Variants in TLCD4 observed in about 807,000 individuals in gnomAD.
TLCD4 encodes TLC domain-containing protein 4.
A neutral mutation model predicts 24.2 loss-of-function variants in TLCD4; 7 were observed. The ratio of observed to expected loss-of-function variants is 0.29; its 90% CI spans 0.16 to 0.54. The LOEUF is 0.54. Among genes scored for constraint, TLCD4 ranks in the 20% least tolerant of loss-of-function variants. The pLI, the probability that TLCD4 is intolerant of heterozygous loss-of-function variation, is 0.95. For synonymous variants in TLCD4, 103 were observed against 106.4 expected (o/e 0.97, Z 0.20); for missense variants, 259 against 313.9 (o/e 0.82, Z 1.32).
chr1:95,117,038 T>C (rs1676444435), upstream of TLCD4, among the ~76,000 whole-genome samples: 2 of 152,242 alleles, frequency 1.3e-5, no homozygotes, highest in Admixed American at 1.3e-4. Context: ...AAATTCATAA[T>C]TTAAGAAGAT....
chr1:95,104,663 C>CA, the TLCD4 span, among the ~76,000 whole-genome samples: 8,491 of 40,560 alleles, frequency 0.21, 1,902 homozygotes, highest in Non-Finnish European at 0.28. Flanking sequence ...GACTCCGTCT[C>CA]AAAAAAAAAA....
intron 1 of TLCD4, among the ~76,000 whole-genome samples, chr1:95,132,638 C>G (rs1417482287): frequency 6.6e-6 from 1 of 151,906 alleles, no homozygotes; most frequent in Admixed American, 6.6e-5. Context: ...TATCAAGTAG[C>G]AGTAGGCTAT....
chr1:95,153,536 A>G (rs549286469), intron 5 of TLCD4, among the ~76,000 whole-genome samples: 67 of 152,274 alleles, frequency 4.4e-4, no homozygotes, highest in Middle Eastern at 6.8e-3. Context: ...GTGGTAGATG[A>G]TTGCATCTCA....
intron 1 of TLCD4, chr1:95,138,314 G>A (rs540118271): frequency 5.9e-5 from 9 of 152,220 alleles, no homozygotes; most frequent in African/African-American, 2.2e-4. Context: ...ACAGATGGAT[G>A]GACTGTTTTT....
rs1030833303 is a variant in TLCD4 at position 95,192,469 on chromosome 1, A to AT, written c.*607dup. ...TGAGAAATCTCTTAACTGCATTGGT[A>AT]TTTTTTCTCTGTGAAAGATGACTAT... On this transcript the variant is annotated 3_prime_UTR_variant, in exon 7 of 7. Transcript: ENST00000370203. 2 of 152,150 alleles carry AT rather than the reference A, an allele frequency of 1.3e-5. No individual in the cohort carries two copies. The highest frequency in any genetic ancestry group is 4.8e-5 in the African/African-American group (2 of 41,446). 9.4% of individuals were successfully genotyped at this position (152,150 alleles called of 1,614,324 possible).
At chr1:95,133,940 C>T (rs1175652241) in intron 1 of TLCD4, among the ~76,000 whole-genome samples, 2 of 151,354 alleles carry the variant, frequency 1.3e-5, no homozygotes, top group Non-Finnish European at 2.9e-5. Flanking sequence ...AAATGATGGA[C>T]TTTGGGATGT....
intron 3 of TLCD4, among the ~76,000 whole-genome samples, chr1:95,149,784 T>C (rs557572840): frequency 5.9e-5 from 9 of 152,224 alleles, no homozygotes; most frequent in Non-Finnish European, 1.2e-4. Context: ...TTTTGCCTTA[T>C]CGAACTTTAA....
At chr1:95,150,541 T>A (rs1397698176) in intron 4 of TLCD4, among the ~76,000 whole-genome samples, 1 of 152,166 alleles carries the variant, frequency 6.6e-6, no homozygotes, top group Non-Finnish European at 1.5e-5. Context: ...TTTGTCCTAA[T>A]GAGGCTCTTA....
intron 1 of TLCD4, among the ~76,000 whole-genome samples, chr1:95,133,591 G>A (rs1676961236): frequency 6.6e-6 from 1 of 152,128 alleles, no homozygotes; most frequent in South Asian, 2.1e-4. Context: ...TTCATATGTT[G>A]GCTTCTACTT....
At chr1:95,172,185 C>T (rs1225435420) in intron 5 of TLCD4, among the ~76,000 whole-genome samples, 1 of 152,132 alleles carries the variant, frequency 6.6e-6, no homozygotes, top group Non-Finnish European at 1.5e-5. Flanking sequence ...CTTTTTGGTA[C>T]TTTGTTATGA....
At chr1:95,123,100 C>T (rs767033066) in intron 1 of TLCD4, among the ~76,000 whole-genome samples, 17 of 152,058 alleles carry the variant, frequency 1.1e-4, no homozygotes, top group Non-Finnish European at 1.8e-4. Flanking sequence ...TGAGCCACTG[C>T]GCCTAACCCG....
chr1:95,106,425 G>C, the TLCD4 span, among the ~76,000 whole-genome samples: 1 of 152,136 alleles, frequency 6.6e-6, no homozygotes, highest in African/African-American at 2.4e-5. Context: ...AAAGGGCCAG[G>C]TGTGGTGGCT....
At chr1:95,124,938 G>A (rs988162264) in intron 1 of TLCD4, among the ~76,000 whole-genome samples, 1 of 152,088 alleles carries the variant, frequency 6.6e-6, no homozygotes, top group Non-Finnish European at 1.5e-5. Flanking sequence ...AAGTTAGAAA[G>A]GATTAGAGCC....
At chr1:95,106,127 T>A in the TLCD4 span, among the ~76,000 whole-genome samples, 1 of 152,144 alleles carries the variant, frequency 6.6e-6, no homozygotes, top group Non-Finnish European at 1.5e-5. Flanking sequence ...AAGAACTTGT[T>A]ATTGAGAAAG....
chr1:95,154,566 C>T (rs1677581360), intron 5 of TLCD4, among the ~76,000 whole-genome samples: 1 of 152,036 alleles, frequency 6.6e-6, no homozygotes, highest in South Asian at 2.1e-4. Context: ...CCAGACCTCT[C>T]TCTGCTTCAT....
At chr1:95,115,088 T>TTTTA (rs1553167766), upstream of TLCD4, among the ~76,000 whole-genome samples, 16 of 143,834 alleles carry the variant, frequency 1.1e-4, no homozygotes, top group South Asian at 1.3e-3. Context: ...TATATACACA[T>TTTTA]TATATATATA....
intron 1 of TLCD4, chr1:95,140,663 T>C (rs1487407128): frequency 6.6e-6 from 1 of 152,188 alleles, no homozygotes; most frequent in South Asian, 2.1e-4. Context: ...ATTTCCCTTA[T>C]CTGTTTCAGC....
intron 1 of TLCD4, among the ~76,000 whole-genome samples, chr1:95,119,360 A>T (rs1474589626): frequency 2.0e-5 from 3 of 152,234 alleles, no homozygotes; most frequent in African/African-American, 4.8e-5. Flanking sequence ...GGGAAGTCTT[A>T]TGAGCAGGGA....
At chr1:95,169,676 A>T (rs2100983316) in intron 5 of TLCD4, among the ~76,000 whole-genome samples, 1 of 152,142 alleles carries the variant, frequency 6.6e-6, no homozygotes, top group Non-Finnish European at 1.5e-5. Flanking sequence ...CTAGAGAGAA[A>T]TTTTTAGAAT....
Sources: gnomAD v4.1 joint callset for allele counts (sites outside exome capture counted in the v4.1 genomes callset) on GRCh38, gnomAD v4.1.1 for gene constraint, MANE v1.5 for transcripts, NCBI Gene and HGNC (gene_info 2026-07-23, HGNC 2026-07-21) for gene names.